SCAMP1: variants seen among roughly 807,000 people sequenced by gnomAD.
The protein encoded by SCAMP1 is secretory carrier-associated membrane protein 1.
SCAMP1 carries 15 observed loss-of-function variants against 41.8 expected under a neutral mutation model. The observed-to-expected ratio is 0.36, with a 90% CI of 0.24 to 0.55. SCAMP1 has a LOEUF of 0.55. Among genes scored for constraint, SCAMP1 ranks in the 20% least tolerant of loss-of-function variants. The probability of loss-of-function intolerance (pLI) is 0.86; values close to 1 mark genes in which losing one functional copy is unlikely to be tolerated. For synonymous variants in SCAMP1, 135 were observed against 136.8 expected (o/e 0.99, Z 0.09); for missense variants, 341 against 412.6 (o/e 0.83, Z 1.50).
chr5:78,383,201 G>A (rs536991886), intron 1 of SCAMP1, among the ~76,000 whole-genome samples: 1 of 152,202 alleles, frequency 6.6e-6, no homozygotes, highest in African/African-American at 2.4e-5. Context: ...GTGATGTTGA[G>A]CATTTTTCAT....
intron 6 of SCAMP1, among the ~76,000 whole-genome samples, chr5:78,447,035 A>G (rs534049844): frequency 6.6e-6 from 1 of 152,354 alleles, no homozygotes; most frequent in African/African-American, 2.4e-5. Flanking sequence ...CAACAGTGGC[A>G]TTAGATTCTC....
intron 7 of SCAMP1, among the ~76,000 whole-genome samples, chr5:78,456,952 T>TA (rs2112224442): frequency 7.4e-6 from 1 of 135,756 alleles, no homozygotes; most frequent in South Asian, 2.8e-4. Flanking sequence ...CCATTGCTGA[T>TA]ACCCTTTCTT....
chr5:78,392,736 A>G (rs946741898), intron 2 of SCAMP1, among the ~76,000 whole-genome samples: 3 of 152,260 alleles, frequency 2.0e-5, no homozygotes, highest in African/African-American at 7.2e-5. Flanking sequence ...CACTGTTAAC[A>G]TGATGGAAAA....
chr5:78,450,155 GT>G, intron 7 of SCAMP1, 121 bp downstream of exon 7: 1 of 597,256 alleles, frequency 1.7e-6, no homozygotes. Context: ...AGCAAAAATT[GT>G]TTTAAAAATA....
intron 2 of SCAMP1, among the ~76,000 whole-genome samples, chr5:78,395,764 G>A (rs963666020): frequency 2.0e-5 from 3 of 152,186 alleles, no homozygotes; most frequent in Non-Finnish European, 2.9e-5. Flanking sequence ...TGCCCCCTGG[G>A]CCTCTCCAAC....
At chr5:78,410,199 A>C (rs1474609020) in intron 2 of SCAMP1, among the ~76,000 whole-genome samples, 1 of 151,300 alleles carries the variant, frequency 6.6e-6, no homozygotes, top group Non-Finnish European at 1.5e-5. Context: ...AACGTGTGCC[A>C]TGGTGGTTTG....
chr5:78,471,463 A>T (rs958079419), intron 8 of SCAMP1, among the ~76,000 whole-genome samples: 2 of 152,166 alleles, frequency 1.3e-5, no homozygotes, highest in Non-Finnish European at 2.9e-5. Flanking sequence ...GAATTTAAAA[A>T]ATATATTTAA....
At chr5:78,389,248 ATG>A (rs1397832140) in intron 2 of SCAMP1, among the ~76,000 whole-genome samples, 1 of 152,176 alleles carries the variant, frequency 6.6e-6, no homozygotes, top group Non-Finnish European at 1.5e-5. Context: ...CTGCCTGATA[ATG>A]TGGGGTGATT....
chr5:78,434,485 A>G (rs1752695381), intron 6 of SCAMP1, among the ~76,000 whole-genome samples: 1 of 152,088 alleles, frequency 6.6e-6, no homozygotes, highest in Non-Finnish European at 1.5e-5. Context: ...CTTCTTAGAC[A>G]CAGATACATT....
rs201004802 is a variant in SCAMP1 at position 78,361,727 on chromosome 5, TC to T, written c.57+1005del. Among the ~76,000 whole-genome samples, 4 of 152,168 alleles carry T rather than the reference TC, an allele frequency of 2.6e-5. No homozygotes were observed. The East Asian group carries it at 7.7e-4, about 29-fold the overall frequency. ...ACTGTTGGTTGAAGTTGTTTCTCAA[TC>T]CCCCCGGCCATGTGCAGTAGTAACT... is the stretch of plus-strand genomic sequence containing the variant. On this transcript the variant is annotated intron_variant, in intron 1 of 8. Coordinates refer to ENST00000621999, the MANE Select transcript of SCAMP1 (RefSeq NM_004866.6).
intron 5 of SCAMP1, among the ~76,000 whole-genome samples, chr5:78,419,336 A>AT (rs1410594859): frequency 2.6e-5 from 4 of 152,160 alleles, no homozygotes; most frequent in Admixed American, 6.5e-5. Context: ...TACATAAACT[A>AT]AGTGTTCTTT....
intron 7 of SCAMP1, among the ~76,000 whole-genome samples, chr5:78,451,578 G>A (rs1186176037): frequency 6.6e-6 from 1 of 152,088 alleles, no homozygotes; most frequent in Non-Finnish European, 1.5e-5. Context: ...ACAACCTTTG[G>A]CTTTTTTCCC....
At chr5:78,404,167 ATGCT>A (rs1751872338) in intron 2 of SCAMP1, among the ~76,000 whole-genome samples, 3 of 150,572 alleles carry the variant, frequency 2.0e-5, no homozygotes, top group Non-Finnish European at 4.4e-5. Context: ...TTGTATGCTC[ATGCT>A]TGCTTTATGT....
intron 1 of SCAMP1, among the ~76,000 whole-genome samples, chr5:78,363,470 A>G (rs1750714969): frequency 6.6e-6 from 1 of 152,136 alleles, no homozygotes; most frequent in Non-Finnish European, 1.5e-5. Context: ...TGGCCTCCCA[A>G]AGTGCTGGGA....
chr5:78,373,381 T>G (rs992470278), intron 1 of SCAMP1, among the ~76,000 whole-genome samples: 1 of 152,164 alleles, frequency 6.6e-6, no homozygotes, highest in African/African-American at 2.4e-5. Context: ...GCTACTTACC[T>G]TAGGCTTGCT....
At chr5:78,390,071 T>G (rs1751448178) in intron 2 of SCAMP1, among the ~76,000 whole-genome samples, 1 of 152,188 alleles carries the variant, frequency 6.6e-6, no homozygotes, top group South Asian at 2.1e-4. Flanking sequence ...TTGGGACTTG[T>G]GACTGGTGTC....
At chr5:78,443,093 G>T (rs1254710725) in intron 6 of SCAMP1, among the ~76,000 whole-genome samples, 1 of 151,242 alleles carries the variant, frequency 6.6e-6, no homozygotes, top group African/African-American at 2.4e-5. Flanking sequence ...GGTGCCTGTA[G>T]TCCCAGCTAT....
At chr5:78,370,701 G>C (rs1750921998) in intron 1 of SCAMP1, 1 of 152,178 alleles carries the variant, frequency 6.6e-6, no homozygotes, top group Admixed American at 6.5e-5. Flanking sequence ...ATACCTACAA[G>C]TGGAATTGCC....
intron 8 of SCAMP1, among the ~76,000 whole-genome samples, chr5:78,462,913 A>G (rs974310828): frequency 2.0e-5 from 3 of 152,220 alleles, no homozygotes; most frequent in Non-Finnish European, 4.4e-5. Context: ...AGACTTTTTG[A>G]TAGGTCTCAC....
Sources: gnomAD v4.1 joint callset for allele counts (sites outside exome capture counted in the v4.1 genomes callset) on GRCh38, gnomAD v4.1.1 for gene constraint, MANE v1.5 for transcripts, NCBI Gene and HGNC (gene_info 2026-07-23, HGNC 2026-07-21) for gene names.